Variants in SP2 observed in about 807,000 individuals in gnomAD.
SP2 encodes transcription factor Sp2.
Under a neutral mutation model 50.1 loss-of-function variants are expected in SP2, and 9 were observed. That is an observed-to-expected ratio of 0.18 (90% CI 0.11 to 0.31). The LOEUF is 0.31. SP2 is among the 10% of genes least tolerant of loss of function. The pLI is 1.00. For missense variants in SP2, 581 were observed against 806.5 expected, an observed-to-expected ratio of 0.72 and a Z score of 3.39; for synonymous variants, 313 against 326.6, an observed-to-expected ratio of 0.96 and a Z score of 0.45.
At chr17:47,899,682 C>T (rs980001740) in intron 1 of SP2, 1 of 152,218 alleles carries the variant, frequency 6.6e-6, no homozygotes, top group African/African-American at 2.4e-5. Context: ...GCACCGGCAG[C>T]TTAGGGGAAG....
chr17:47,919,505 C>A (rs1374163144), intron 3 of SP2, among the ~76,000 whole-genome samples: 1 of 152,000 alleles, frequency 6.6e-6, no homozygotes, highest in Admixed American at 6.6e-5. Context: ...TAAAAATTAC[C>A]CAAATCAAAA....
intron 3 of SP2, among the ~76,000 whole-genome samples, chr17:47,919,698 C>T (rs2144006530): frequency 6.6e-6 from 1 of 152,196 alleles, no homozygotes; most frequent in Admixed American, 6.5e-5. Context: ...CTGCTAATTC[C>T]AAGACCCCAC....
chr17:47,923,876 A>G (rs1160876156), intron 4 of SP2, among the ~76,000 whole-genome samples: 1 of 151,580 alleles, frequency 6.6e-6, no homozygotes, highest in Non-Finnish European at 1.5e-5. Flanking sequence ...TAATTTTTGT[A>G]TTTTTCGTAG....
At chr17:47,930,206 G>A (rs1019584158), downstream of SP2, among the ~76,000 whole-genome samples, 2 of 152,304 alleles carry the variant, frequency 1.3e-5, no homozygotes, top group South Asian at 2.1e-4. Context: ...TTCCTCATGC[G>A]TGGACTGCAT....
intron 3 of SP2, 152 bp from the exon 4 acceptor site, chr17:47,922,810 G>A (rs965611376): frequency 6.1e-6 from 4 of 656,976 alleles, no homozygotes; most frequent in South Asian, 1.9e-5. Flanking sequence ...GCCATTTGTC[G>A]AGCATTAGCT....
chr17:47,917,886 C>CCA (rs1312918317), intron 3 of SP2: 1 of 309,916 alleles, frequency 3.2e-6, no homozygotes, highest in Non-Finnish European at 6.7e-6. Context: ...CTCTGTGAGG[C>CCA]AAGTTTTATT....
intron 4 of SP2, 115 bp from the exon 5 acceptor site, chr17:47,924,804 G>C: frequency 2.2e-6 from 2 of 899,626 alleles, no homozygotes; most frequent in Non-Finnish European, 3.4e-6. Flanking sequence ...CATACAGCAG[G>C]CTCTCAAAAA....
intron 1 of SP2, chr17:47,899,080 A>C (rs906911490): frequency 2.6e-5 from 4 of 152,034 alleles, no homozygotes; most frequent in African/African-American, 9.7e-5. Flanking sequence ...TATGCGTGCA[A>C]CTCCTTGTAT....
intron 1 of SP2, among the ~76,000 whole-genome samples, chr17:47,902,580 G>T (rs116342142): frequency 1.4e-4 from 21 of 152,224 alleles, no homozygotes; most frequent in African/African-American, 5.1e-4. Flanking sequence ...AAGATAGAGT[G>T]TTTGCTGTCA....
At chr17:47,918,004 C>G (rs916377315) in intron 3 of SP2, 2 of 193,460 alleles carry the variant, frequency 1.0e-5, no homozygotes, top group Non-Finnish European at 1.1e-5. Context: ...GCATAAATGA[C>G]AGGAACCAGG....
chr17:47,908,941 T>C (rs1423051274), intron 1 of SP2, among the ~76,000 whole-genome samples: 2 of 152,236 alleles, frequency 1.3e-5, no homozygotes, highest in Non-Finnish European at 2.9e-5. Context: ...GTCCTGCCTC[T>C]GGTTAAGTGA....
At position 47,923,016 on chromosome 17, in the gene SP2, C is replaced by A; in HGVS notation, c.1114C>A (p.Pro372Thr). ...GCAGACAGTCCTTGTCCAGGACAGC[C>A]CCCCAGCAACAGCTGCAGCCACCTC... is the stretch of plus-strand genomic sequence containing the variant. Reference protein sequence around the residue: ...EVQTVLVQDSPPATAAATSNT... With the variant: ...EVQTVLVQDSTPATAAATSNT... The change falls in exon 4 of 7, where the codon CCC (proline) becomes ACC (threonine). Residue 372 changes from proline (P) to threonine (T), a missense_variant. By Grantham distance (38) the Pro-to-Thr change is conservative (BLOSUM62 -1). Around this residue, in one of 2 missense-constraint regions of SP2, gnomAD observed 397 missense variants for 491.0 expected, o/e 0.81. Coordinates refer to ENST00000376741, the MANE Select transcript of SP2 (RefSeq NM_003110.6). The A allele has an allele frequency of 6.2e-7, 1 of 1,614,180 alleles. No homozygotes were observed. The highest frequency in any genetic ancestry group is 8.5e-7 in the Non-Finnish European group (1 of 1,180,028).
At chr17:47,903,008 G>A (rs995287266) in intron 1 of SP2, among the ~76,000 whole-genome samples, 82 of 152,242 alleles carry the variant, frequency 5.4e-4, no homozygotes, top group African/African-American at 2.0e-3. Flanking sequence ...CACCTGCCTC[G>A]GCCGCCCAAA....
chr17:47,925,690 A>C (rs1472790369), intron 6 of SP2, 149 bp downstream of exon 6: 2 of 625,680 alleles, frequency 3.2e-6, no homozygotes, highest in East Asian at 5.6e-5. Context: ...ACGACATAGG[A>C]AATTATTTTC....
At chr17:47,911,986 A>G (rs2035008995) in intron 1 of SP2, among the ~76,000 whole-genome samples, 1 of 152,118 alleles carries the variant, frequency 6.6e-6, no homozygotes, top group East Asian at 1.9e-4. Flanking sequence ...AGACTATCAT[A>G]TTGCCCAAGT....
chr17:47,923,003 T>C lies in SP2; in HGVS notation c.1101T>C (p.Leu367=), dbSNP rs761191826. The change falls in exon 4 of 7, where the codon CTT becomes CTC. Residue 367 remains leucine (L), a synonymous_variant. Transcript: ENST00000376741. ...CTTCCGGTGAGGTGCAGACAGTCCT[T>C]GTCCAGGACAGCCCCCCAGCAACAG... The part of the protein sequence containing the change: ...RTPSGEVQTV[L]VQDSPPATAA... 1.7e-5 allele frequency: 27 copies of C among 1,614,012 alleles called. No individual in the cohort carries two copies. In the Admixed American group the frequency reaches 4.5e-4, roughly 27 times the overall value.
intron 3 of SP2, among the ~76,000 whole-genome samples, chr17:47,918,133 A>G (rs1006987736): frequency 2.0e-5 from 3 of 152,024 alleles, no homozygotes; most frequent in Middle Eastern, 3.4e-3. Flanking sequence ...TTTTTAATAT[A>G]AAAAACAGTT....
chr17:47,916,495 A>T lies in SP2; in HGVS notation c.424A>T (p.Asn142Tyr). 1 of 1,614,098 alleles carries T rather than the reference A, an allele frequency of 6.2e-7. No individual in the cohort carries two copies. The highest frequency in any genetic ancestry group is 8.5e-7 in the Non-Finnish European group (1 of 1,180,030). The stretch of plus-strand genomic sequence containing the variant: ...GGCGGTCCCTCAGATTCAGGCAAGC[A>T]ATTCCCAAACCATCCAAGTACAGCC... ...YQAVPQIQAS[N>Y]SQTIQVQPNL... The change falls in exon 3 of 7, where the codon AAT becomes TAT. Residue 142 changes from asparagine (N) to tyrosine (Y), a missense_variant. Physicochemically the swap from Asn to Tyr is moderately radical, Grantham distance 143. Coordinates refer to ENST00000376741, the MANE Select transcript of SP2 (RefSeq NM_003110.6). The surrounding 1 kb of genome is among the most constrained non-coding windows in gnomAD (Gnocchi z 4.7).
chr17:47,917,219 T>A, intron 3 of SP2, 89 bp downstream of exon 3: 2 of 1,352,462 alleles, frequency 1.5e-6, no homozygotes, highest in Non-Finnish European at 2.0e-6. Flanking sequence ...ATCTCCCAGC[T>A]TGATCTGACC....
Sources: allele counts gnomAD v4.1 joint callset (sites outside exome capture counted in the v4.1 genomes callset), GRCh38; gene constraint gnomAD v4.1.1; regional missense constraint gnomAD v4.1.1; non-coding constraint Gnocchi (gnomAD v3.1); transcripts MANE v1.5; gene names NCBI Gene and HGNC (gene_info 2026-07-23, HGNC 2026-07-21).